The following PTPN13 variants were observed in gnomAD, a reference collection of about 807,000 sequenced individuals.
PTPN13 encodes the protein tyrosine-protein phosphatase non-receptor type 13.
PTPN13 carries 191 observed loss-of-function variants against 284.0 expected under a neutral mutation model. The observed-to-expected ratio is 0.67, with a 90% CI of 0.60 to 0.76. The LOEUF is 0.76. Among genes scored for constraint, PTPN13 ranks in the 30% least tolerant of loss-of-function variants. PTPN13 has a pLI of 0.00. For synonymous variants in PTPN13, 986 were observed against 1,022.3 expected (o/e 0.96, Z 0.68); for missense variants, 2,797 against 2,939.9 (o/e 0.95, Z 1.12).
chr4:86,779,674 T>C (rs990056717), intron 35 of PTPN13, among the ~76,000 whole-genome samples: 2 of 152,088 alleles, frequency 1.3e-5, no homozygotes, highest in African/African-American at 4.8e-5. Flanking sequence ...AGCAAGAACA[T>C]ACAGGGGTAC....
chr4:86,774,966 A>G (rs1350908496), intron 33 of PTPN13, among the ~76,000 whole-genome samples: 2 of 152,080 alleles, frequency 1.3e-5, no homozygotes, highest in African/African-American at 2.4e-5. Context: ...GGGATTTAAC[A>G]TTATTATTTC....
chr4:86,699,445 A>C (rs1326226750), intron 6 of PTPN13, among the ~76,000 whole-genome samples: 1 of 152,114 alleles, frequency 6.6e-6, no homozygotes, highest in African/African-American at 2.4e-5. Context: ...AAGATGAGAA[A>C]GCTCTCCTCC....
chr4:86,747,548 C>T (rs1007670879), intron 17 of PTPN13, among the ~76,000 whole-genome samples: 5 of 144,536 alleles, frequency 3.5e-5, no homozygotes, highest in East Asian at 3.9e-4. Context: ...GCAGCAGCAG[C>T]GGCAGCAGCA....
chr4:86,764,710 G>T lies in PTPN13; in HGVS notation c.4135G>T (p.Gly1379Trp). 6.2e-7 allele frequency: 1 copy of T among 1,605,870 alleles called. No individual in the cohort carries two copies. Among genetic ancestry groups the T allele is most frequent in the Admixed American group, 1.7e-5 (1 of 57,750 alleles). Residue 1379 changes from glycine (G) to tryptophan (W), a missense_variant, in exon 25 of 48, where the codon GGG becomes TGG. By Grantham distance (184) the Gly-to-Trp change is radical. Coordinates refer to ENST00000411767, the MANE Select transcript of PTPN13 (RefSeq NM_080683.3). ...VELAKNDNSL[G>W]ISVTGGVNTS... ...ACTGGCTAAAAATGATAACAGCTTG[G>T]GGATAAGTGTCACGGTACTGTTTGA...
At chr4:86,764,865 A>G (rs1044509287) in intron 25 of PTPN13, 141 bp downstream of exon 25, 2 of 971,208 alleles carry the variant, frequency 2.1e-6, no homozygotes, top group African/African-American at 3.5e-5. Flanking sequence ...AATCATATCT[A>G]AAAACTATTT....
At position 86,635,582 on chromosome 4, in the gene PTPN13, A is replaced by G. The variant is rs946233125; in HGVS notation, c.115+211A>G. On this transcript the variant is annotated intron_variant, in intron 2 of 47. Coordinates refer to ENST00000411767, the MANE Select transcript of PTPN13 (RefSeq NM_080683.3). ...ATATCTTCTATGTGCCCAATATTAC[A>G]CCAGGCAGCAAAAGTGTAATGGTGA... Among the ~76,000 whole-genome samples the G allele has an allele frequency of 7.2e-5, 11 of 152,322 alleles. No homozygotes were observed. The South Asian group carries it at 1.0e-3, about 14-fold the overall frequency.
intron 7 of PTPN13, among the ~76,000 whole-genome samples, chr4:86,704,608 G>A (rs538658386): frequency 5.3e-5 from 8 of 152,128 alleles, no homozygotes; most frequent in Admixed American, 1.3e-4. Context: ...AGGTAATTAC[G>A]TATTTGATAC....
At chr4:86,609,903 G>T (rs1475310632) in intron 1 of PTPN13, among the ~76,000 whole-genome samples, 1 of 152,166 alleles carries the variant, frequency 6.6e-6, no homozygotes, top group Non-Finnish European at 1.5e-5. Flanking sequence ...GGTGTGCAAA[G>T]AAGCTAGATA....
chr4:86,677,272 A>C (rs980389808), intron 3 of PTPN13, among the ~76,000 whole-genome samples: 4 of 151,596 alleles, frequency 2.6e-5, no homozygotes, highest in African/African-American at 9.7e-5. Flanking sequence ...GTCTCAAAAA[A>C]CAACAACAAC....
rs1219911468 is a variant in PTPN13 at position 86,672,519 on chromosome 4, A to G, written c.270A>G (p.Leu90=). Residue 90 remains leucine (L), a synonymous_variant, in exon 3 of 48, where the codon CTA becomes CTG. Transcript: ENST00000411767. ...CAGAGGTTCTTCAAAATCAGTCACT[A>G]ACTTCTCTCTCAGATGTTGAAAAGG... The part of the protein sequence containing the change: ...TAPEVLQNQS[L]TSLSDVEKIH... 1 of 1,606,620 alleles carries G rather than the reference A, an allele frequency of 6.2e-7. No homozygotes were observed. The highest frequency in any genetic ancestry group is 1.1e-5 in the South Asian group (1 of 89,416).
At position 86,810,949 on chromosome 4, in the gene PTPN13, G is replaced by C. The variant is rs1449061259; in HGVS notation, c.7300-97G>C. ...ACTACCAGAAGGGGAAGAAGAGTGG[G>C]ATACAGAATTTTACATAAGCCTCCC... On this transcript the variant is annotated intron_variant, in intron 46 of 47. Coordinates refer to ENST00000411767, the MANE Select transcript of PTPN13 (RefSeq NM_080683.3). The C allele has an allele frequency of 5.1e-5, 58 of 1,137,028 alleles. 1 individual carries two copies. Among genetic ancestry groups the C allele is most frequent in the Non-Finnish European group, 1.3e-6 (1 of 796,914 alleles). 70.4% of individuals were successfully genotyped at this position (1,137,028 alleles called of 1,614,324 possible). A position where few individuals can be genotyped will look rare whatever the true frequency, so the allele number is the denominator to read the frequency against.
At chr4:86,768,707 A>ATTTTTTTTTTTTTTTTTTTTTT (rs1565528531) in intron 28 of PTPN13, among the ~76,000 whole-genome samples, 1 of 145,112 alleles carries the variant, frequency 6.9e-6, no homozygotes, top group African/African-American at 2.6e-5. Context: ...TATTTCTTCC[A>ATTTTTTTTTTTTTTTTTTTTTT]TCTTTTTTTT....
intron 12 of PTPN13, among the ~76,000 whole-genome samples, chr4:86,733,312 G>C (rs898333973): frequency 3.3e-4 from 50 of 151,994 alleles, no homozygotes; most frequent in Non-Finnish European, 8.8e-5. Context: ...TTATCAATTA[G>C]AGTTGCCATA....
At chr4:86,601,995 T>C (rs1764334020) in intron 1 of PTPN13, among the ~76,000 whole-genome samples, 2 of 152,230 alleles carry the variant, frequency 1.3e-5, no homozygotes, top group African/African-American at 4.8e-5. Context: ...GCTTTAATCA[T>C]CTGAGTTCAT....
chr4:86,678,534 CTT>C (rs1202793998), intron 3 of PTPN13, among the ~76,000 whole-genome samples: 3 of 152,196 alleles, frequency 2.0e-5, no homozygotes, highest in Non-Finnish European at 1.5e-5. Context: ...ATGCTCTTGA[CTT>C]TTATGTAAAG....
intron 3 of PTPN13, among the ~76,000 whole-genome samples, chr4:86,680,585 A>T (rs999700904): frequency 6.6e-6 from 1 of 151,998 alleles, no homozygotes; most frequent in Non-Finnish European, 1.5e-5. Flanking sequence ...CCTAACTCTT[A>T]TTCCTGCTTC....
chr4:86,720,601 C>T lies in PTPN13; in HGVS notation c.1386-1611C>T, dbSNP rs113401133. On this transcript the variant is annotated intron_variant, in intron 9 of 47. Coordinates refer to ENST00000411767, the MANE Select transcript of PTPN13 (RefSeq NM_080683.3). ...CTTAAATACATATTAGCTTAAAATA[C>T]TGTCCAAATTCCTATTCACTTGCAG... Among the ~76,000 whole-genome samples, 950 of 152,256 alleles carry T rather than the reference C, an allele frequency of 6.2e-3. 15 individuals are homozygous for T. Among genetic ancestry groups the T allele is most frequent in the African/African-American group, 0.021 (885 of 41,556 alleles).
At chr4:86,639,593 C>T (rs1723510805) in intron 2 of PTPN13, among the ~76,000 whole-genome samples, 1 of 151,764 alleles carries the variant, frequency 6.6e-6, no homozygotes. Flanking sequence ...AAACCAAACA[C>T]CGCCATGTTC....
intron 2 of PTPN13, among the ~76,000 whole-genome samples, chr4:86,639,089 C>T (rs1412944660): frequency 4.6e-5 from 7 of 152,114 alleles, no homozygotes; most frequent in African/African-American, 1.7e-4. Flanking sequence ...CTCATCATCA[C>T]TGGCCATCAG....
Sources: allele counts gnomAD v4.1 joint callset (sites outside exome capture counted in the v4.1 genomes callset), GRCh38; gene constraint gnomAD v4.1.1; transcripts MANE v1.5; gene names NCBI Gene and HGNC (gene_info 2026-07-23, HGNC 2026-07-21).